The following DTWD2 variants were observed in gnomAD, a reference collection of about 807,000 sequenced individuals.
DTWD2 encodes the protein DTW motif tRNA-uridine aminocarboxypropyltransferase 2.
In DTWD2, 39 loss-of-function variants were observed where a neutral mutation model predicts 31.8. That is an observed-to-expected ratio of 1.22 (90% CI 0.95 to 1.60). The LOEUF is 1.60. Ranked by LOEUF, DTWD2 falls within the 40% of genes most tolerant of loss-of-function variation. DTWD2 has a pLI of 0.00. For synonymous variants in DTWD2, 180 were observed against 142.8 expected, an observed-to-expected ratio of 1.26 and a Z score of -1.86; for missense variants, 515 against 381.5, an observed-to-expected ratio of 1.35 and a Z score of -2.92.
chr5:118,980,288 T>C (rs1482712059), intron 1 of DTWD2, among the ~76,000 whole-genome samples: 2 of 152,202 alleles, frequency 1.3e-5, no homozygotes, highest in Non-Finnish European at 2.9e-5. Flanking sequence ...ACCCACTGTG[T>C]GCACAGCATC....
intron 4 of DTWD2, among the ~76,000 whole-genome samples, chr5:118,915,805 T>G (rs1753563057): frequency 1.3e-5 from 2 of 152,224 alleles, no homozygotes; most frequent in Admixed American, 1.3e-4. Context: ...GATGGTTTTC[T>G]AGGTATTTCA....
At chr5:118,867,896 T>C (rs912886406) in intron 4 of DTWD2, among the ~76,000 whole-genome samples, 1 of 152,196 alleles carries the variant, frequency 6.6e-6, no homozygotes, top group Non-Finnish European at 1.5e-5. Context: ...CAAGTCCTTT[T>C]TGCAGAAGTA....
intron 4 of DTWD2, among the ~76,000 whole-genome samples, chr5:118,876,416 A>C (rs553844236): frequency 6.6e-6 from 1 of 152,248 alleles, no homozygotes; most frequent in African/African-American, 2.4e-5. Context: ...GACATGAAAA[A>C]CCATTCAAAA....
At position 118,840,977 on chromosome 5, in the gene DTWD2, C is replaced by T. The variant is rs772833886; in HGVS notation, c.837G>A (p.Met279Ile). The T allele has an allele frequency of 6.2e-7, 1 of 1,613,668 alleles. No individual in the cohort carries two copies. Among genetic ancestry groups the T allele is most frequent in the East Asian group, 2.2e-5 (1 of 44,794 alleles). The change falls in exon 6 of 6, where the codon ATG (methionine) becomes ATA (isoleucine). Residue 279 changes from methionine to isoleucine, a missense_variant. By Grantham distance (10) the Met-to-Ile change is conservative. Coordinates refer to ENST00000510708, the MANE Select transcript of DTWD2 (RefSeq NM_173666.4). ...TCCTGAGTTTGCGTTTGTTCTTTGG[C>T]ATTGGTTTAGGATATAATCCATTTT... ...LLKNGLYPKP[M>I]PKNKRKLRKM...
Position 118,839,286 on chromosome 5 carries a change from TG to T in DTWD2, c.*1630del, listed in dbSNP as rs1373586064. ...GAAACTATTATACATTATTATATGC[TG>T]TTTCTTTTCTAGTACACCAAATAAT... On this transcript the variant is annotated 3_prime_UTR_variant, in exon 6 of 6. Transcript: ENST00000510708. The T allele has an allele frequency of 8.5e-5, 13 of 152,190 alleles. No homozygotes were observed. The highest frequency in any genetic ancestry group is 1.6e-4 in the Non-Finnish European group (11 of 68,034). The allele number at this position is 152,190 out of a possible 1,614,324, so 9.4% of individuals were successfully genotyped here. A position where few individuals can be genotyped will look rare whatever the true frequency, so the allele number is the denominator to read the frequency against.
chr5:118,890,510 T>A (rs1354981436), intron 4 of DTWD2, among the ~76,000 whole-genome samples: 1 of 151,906 alleles, frequency 6.6e-6, no homozygotes, highest in African/African-American at 2.4e-5. Context: ...AATTTCTCTA[T>A]TTCAGAAGTC....
intron 1 of DTWD2, chr5:118,973,783 G>A (rs902462327): frequency 2.1e-5 from 34 of 1,611,178 alleles, no homozygotes; most frequent in Middle Eastern, 2.2e-4. Flanking sequence ...TCGGATCACC[G>A]GCGTGCCCCA....
intron 4 of DTWD2, among the ~76,000 whole-genome samples, chr5:118,914,197 G>C (rs1753523521): frequency 6.6e-6 from 1 of 151,948 alleles, no homozygotes; most frequent in Non-Finnish European, 1.5e-5. Context: ...TATGAGGTAG[G>C]GTCTAATGTA....
intron 4 of DTWD2, among the ~76,000 whole-genome samples, chr5:118,910,641 C>T (rs1204561936): frequency 2.0e-5 from 3 of 152,198 alleles, no homozygotes; most frequent in East Asian, 1.9e-4. Context: ...TATCCAGTTC[C>T]GAACCTGCCT....
intron 2 of DTWD2, among the ~76,000 whole-genome samples, chr5:118,940,375 CA>C (rs889598755): frequency 2.6e-5 from 4 of 152,152 alleles, no homozygotes; most frequent in African/African-American, 9.7e-5. Flanking sequence ...AAACCTTTAT[CA>C]AAGTAATACA....
At chr5:118,856,573 G>A (rs142914327) in intron 4 of DTWD2, among the ~76,000 whole-genome samples, 12 of 152,194 alleles carry the variant, frequency 7.9e-5, no homozygotes, top group African/African-American at 1.7e-4. Context: ...GACAAACTGC[G>A]TTCCAAAGTA....
At chr5:118,954,441 G>C (rs953190445) in intron 1 of DTWD2, among the ~76,000 whole-genome samples, 3 of 152,178 alleles carry the variant, frequency 2.0e-5, no homozygotes, top group Non-Finnish European at 4.4e-5. Context: ...CAAGGACTTA[G>C]CCTACCTTTT....
intron 4 of DTWD2, among the ~76,000 whole-genome samples, chr5:118,907,838 T>C (rs890190367): frequency 2.0e-5 from 3 of 152,098 alleles, no homozygotes; most frequent in African/African-American, 4.8e-5. Flanking sequence ...TCGGTCTTTA[T>C]GTTCTATTCA....
chr5:118,876,362 G>A (rs758339406), intron 4 of DTWD2, among the ~76,000 whole-genome samples: 5 of 152,070 alleles, frequency 3.3e-5, no homozygotes, highest in Non-Finnish European at 7.4e-5. Context: ...AATCAGAGCT[G>A]AAGGAGGCTA....
intron 4 of DTWD2, among the ~76,000 whole-genome samples, chr5:118,859,666 T>A (rs532170659): frequency 1.3e-5 from 2 of 152,312 alleles, no homozygotes; most frequent in Admixed American, 6.5e-5. Context: ...TATGAAATAG[T>A]CACACAGTTG....
chr5:118,952,972 A>C (rs1319504974), intron 1 of DTWD2, among the ~76,000 whole-genome samples: 1 of 152,156 alleles, frequency 6.6e-6, no homozygotes, highest in African/African-American at 2.4e-5. Flanking sequence ...TTGTTTTCAC[A>C]TCTTCCTCTC....
chr5:118,856,650 T>C (rs1018411207), intron 4 of DTWD2, among the ~76,000 whole-genome samples: 1 of 152,194 alleles, frequency 6.6e-6, no homozygotes, highest in African/African-American at 2.4e-5. Flanking sequence ...CTCCTACATT[T>C]AGTATTATCA....
At chr5:118,854,353 T>C (rs1190600383) in intron 4 of DTWD2, among the ~76,000 whole-genome samples, 1 of 152,050 alleles carries the variant, frequency 6.6e-6, no homozygotes, top group African/African-American at 2.4e-5. Context: ...TCTGAAAACC[T>C]TATGTCAAAA....
chr5:118,862,672 A>C (rs532976055), intron 4 of DTWD2, among the ~76,000 whole-genome samples: 1 of 152,304 alleles, frequency 6.6e-6, no homozygotes, highest in African/African-American at 2.4e-5. Flanking sequence ...TTGGTTTTCT[A>C]CCTATCATTT....
Sources: allele counts gnomAD v4.1 joint callset (sites outside exome capture counted in the v4.1 genomes callset), GRCh38; gene constraint gnomAD v4.1.1; transcripts MANE v1.5; gene names NCBI Gene and HGNC (gene_info 2026-07-23, HGNC 2026-07-21).